TTC28: variants seen among roughly 807,000 people sequenced by gnomAD.
TTC28 encodes tetratricopeptide repeat domain 28.
Under a neutral mutation model 198.0 loss-of-function variants are expected in TTC28, and 61 were observed. The ratio of observed to expected loss-of-function variants is 0.31; its 90% confidence interval spans 0.25 to 0.38. The LOEUF (loss-of-function observed/expected upper bound fraction) is 0.38, where lower values mean the gene tolerates loss of function less well. Among genes scored for constraint, TTC28 ranks in the 10% least tolerant of loss-of-function variants. The pLI is 1.00. For missense variants in TTC28, 2,678 were observed against 3,164.0 expected (o/e 0.85, Z 3.69); for synonymous variants, 1,171 against 1,297.8 (o/e 0.90, Z 2.10).
intron 8 of TTC28, 34 bp downstream of exon 8, chr22:28,105,245 A>ACT (rs1338483335): frequency 5.9e-6 from 9 of 1,533,092 alleles, no homozygotes; most frequent in Non-Finnish European, 7.9e-6. Context: ...GATTTCAAGT[A>ACT]GGCCAAGAGA....
At chr22:28,283,230 G>A (rs2044618285) in intron 5 of TTC28, among the ~76,000 whole-genome samples, 2 of 151,930 alleles carry the variant, frequency 1.3e-5, no homozygotes, top group African/African-American at 4.8e-5. Context: ...AAGAGGATTT[G>A]TTTCTCTGCT....
At chr22:28,097,414 T>G (rs966611064) in intron 10 of TTC28, among the ~76,000 whole-genome samples, 2 of 152,200 alleles carry the variant, frequency 1.3e-5, no homozygotes, top group African/African-American at 4.8e-5. Context: ...TTTTTCCTTA[T>G]CCCCATGGGA....
chr22:28,672,921 CAT>C (rs758800927), intron 1 of TTC28, among the ~76,000 whole-genome samples: 7 of 152,192 alleles, frequency 4.6e-5, no homozygotes, highest in Non-Finnish European at 1.0e-4. Flanking sequence ...GTAAAACTAA[CAT>C]ATAGTAATCT....
chr22:28,576,342 A>C (rs2050149874), intron 2 of TTC28, among the ~76,000 whole-genome samples: 1 of 152,050 alleles, frequency 6.6e-6, no homozygotes, highest in Admixed American at 6.6e-5. Context: ...ATTTCACTTC[A>C]TCATAATGAT....
chr22:28,572,624 T>C (rs772305333), intron 2 of TTC28, among the ~76,000 whole-genome samples: 24 of 152,156 alleles, frequency 1.6e-4, no homozygotes, highest in Non-Finnish European at 2.6e-4. Context: ...TTAGGGAATC[T>C]ACATATAGCT....
In TTC28 at chr22:28,431,286, T is replaced by C. The variant is rs575388813; in HGVS notation, c.382-124643A>G. Among the ~76,000 whole-genome samples the C allele has an allele frequency of 2.0e-5, 3 of 152,280 alleles. No homozygotes were observed. In the South Asian group the frequency reaches 6.2e-4, roughly 32 times the overall value. On this transcript the variant is annotated intron_variant, in intron 2 of 22. Coordinates refer to ENST00000397906, the MANE Select transcript of TTC28 (RefSeq NM_001145418.2). Reference sequence around the variant, plus strand: ...AATAATATGATCACTTATGATAAATTTGATTTTTAAAATTATTCTAATTTA... The same window carrying C: ...AATAATATGATCACTTATGATAAATCTGATTTTTAAAATTATTCTAATTTA...
chr22:28,222,342 T>C (rs1342700170), intron 5 of TTC28, among the ~76,000 whole-genome samples: 1 of 151,982 alleles, frequency 6.6e-6, no homozygotes, highest in Non-Finnish European at 1.5e-5. Flanking sequence ...GTTTAGTTCA[T>C]GGCTGCCACT....
chr22:28,553,716 CCG>C (rs1318590092), intron 2 of TTC28, among the ~76,000 whole-genome samples: 1 of 151,250 alleles, frequency 6.6e-6, no homozygotes, highest in African/African-American at 2.4e-5. Flanking sequence ...GGGTCAGCCC[CCG>C]CCAGGCCAAC....
intron 1 of TTC28, among the ~76,000 whole-genome samples, chr22:28,648,312 A>C (rs1601662177): frequency 4.6e-5 from 7 of 152,128 alleles, no homozygotes. Context: ...TATCCCAGCC[A>C]GAATGGCCAT....
intron 5 of TTC28, among the ~76,000 whole-genome samples, chr22:28,270,700 T>A (rs1225675020): frequency 6.6e-6 from 1 of 152,176 alleles, no homozygotes; most frequent in African/African-American, 2.4e-5. Flanking sequence ...TACATCCTTG[T>A]ACAGTATGAG....
At chr22:28,362,058 T>C (rs2046167437) in intron 2 of TTC28, among the ~76,000 whole-genome samples, 1 of 152,198 alleles carries the variant, frequency 6.6e-6, no homozygotes, top group Non-Finnish European at 1.5e-5. Flanking sequence ...AATGTTGTTT[T>C]AATGCCTGCT....
intron 6 of TTC28, among the ~76,000 whole-genome samples, chr22:28,128,815 C>T (rs1180085258): frequency 6.6e-6 from 1 of 152,166 alleles, no homozygotes; most frequent in African/African-American, 2.4e-5. Context: ...ACTGAGATTA[C>T]AGGTGTGAGC....
At chr22:28,369,279 A>G (rs1400070842) in intron 2 of TTC28, among the ~76,000 whole-genome samples, 2 of 152,152 alleles carry the variant, frequency 1.3e-5, no homozygotes, top group Non-Finnish European at 2.9e-5. Flanking sequence ...AAATCCATGC[A>G]TCTACAATAA....
chr22:28,372,544 T>A (rs1386655834), intron 2 of TTC28, among the ~76,000 whole-genome samples: 1 of 152,006 alleles, frequency 6.6e-6, no homozygotes, highest in Non-Finnish European at 1.5e-5. Context: ...TTTTTTTTTT[T>A]TTTAATTAGA....
chr22:28,517,453 G>T (rs2146414537), intron 2 of TTC28, among the ~76,000 whole-genome samples: 1 of 152,166 alleles, frequency 6.6e-6, no homozygotes, highest in Non-Finnish European at 1.5e-5. Flanking sequence ...GCATTATTAG[G>T]AATCTAAAGA....
chr22:28,091,607 C>T (rs1941816169), intron 12 of TTC28, among the ~76,000 whole-genome samples: 2 of 152,070 alleles, frequency 1.3e-5, no homozygotes, highest in Admixed American at 1.3e-4. Context: ...AGAGTCTTGG[C>T]TTAGGGACAC....
At chr22:28,197,298 G>C (rs552534869) in intron 5 of TTC28, among the ~76,000 whole-genome samples, 3 of 150,606 alleles carry the variant, frequency 2.0e-5, no homozygotes, top group African/African-American at 7.3e-5. Context: ...AGAGGAGAGG[G>C]ATAGCATTAA....
chr22:28,648,678 G>C (rs758872335), intron 1 of TTC28, among the ~76,000 whole-genome samples: 33 of 152,236 alleles, frequency 2.2e-4, no homozygotes, highest in Non-Finnish European at 4.0e-4. Flanking sequence ...GAAGGCCAAG[G>C]TGGGTGGATC....
At chr22:28,233,838 G>T (rs1029386547) in intron 5 of TTC28, among the ~76,000 whole-genome samples, 1 of 151,926 alleles carries the variant, frequency 6.6e-6, no homozygotes, top group South Asian at 2.1e-4. Flanking sequence ...TCTGCCTCCT[G>T]GGTTCAAGCG....
Sources: allele counts gnomAD v4.1 joint callset (sites outside exome capture counted in the v4.1 genomes callset), GRCh38; gene constraint gnomAD v4.1.1; transcripts MANE v1.5; gene names NCBI Gene and HGNC (gene_info 2026-07-23, HGNC 2026-07-21).